The following SGCZ variants were observed in gnomAD, a reference collection of about 807,000 sequenced individuals.
SGCZ encodes the protein sarcoglycan zeta, also known as zeta-sarcoglycan.
SGCZ carries 40 observed loss-of-function variants against 41.3 expected under a neutral mutation model. The ratio of observed to expected loss-of-function variants is 0.97; its 90% CI spans 0.75 to 1.26. SGCZ has a LOEUF of 1.26. Among genes scored for constraint, SGCZ ranks in the 50% most tolerant of loss-of-function variants. The pLI, the probability that SGCZ is intolerant of heterozygous loss-of-function variation, is 0.00. For synonymous variants in SGCZ, 206 were observed against 137.5 expected, an observed-to-expected ratio of 1.50 and a Z score of -3.49; for missense variants, 552 against 369.8, an observed-to-expected ratio of 1.49 and a Z score of -4.04.
In SGCZ at chr8:14,493,359, C is replaced by CTTTTTTTTTTTTTTTTTTT. The variant is rs57898016; in HGVS notation, c.234+61354_234+61372dup. Among the ~76,000 whole-genome samples the CTTTTTTTTTTTTTTTTTTT allele has an allele frequency of 9.3e-4, 41 of 44,274 alleles. 3 individuals carry two copies. The highest frequency in any genetic ancestry group is 2.0e-3 in the African/African-American group (26 of 13,252). 29.0% of individuals were successfully genotyped at this position (44,274 alleles called of 152,430 possible). A position where few individuals can be genotyped will look rare whatever the true frequency, so the allele number is the denominator to read the frequency against. ...CATACTTTTCCCACTATCATCCTTTCTTTTTTTTTTTTTTTTTTTTTTTTT... is the reference window on the plus strand; with the variant it reads ...CATACTTTTCCCACTATCATCCTTTCTTTTTTTTTTTTTTTTTTTTTTTTTTTTTTTTTTTTTTTTTTTT... On this transcript the variant is annotated intron_variant, in intron 2 of 7. Transcript: ENST00000382080.
At chr8:14,859,719 A>G (rs530834718) in intron 1 of SGCZ, among the ~76,000 whole-genome samples, 1 of 152,296 alleles carries the variant, frequency 6.6e-6, no homozygotes, top group South Asian at 2.1e-4. Context: ...ATGTATTGCA[A>G]TGATTTTATA....
At chr8:14,756,935 T>C (rs1799690692) in intron 1 of SGCZ, among the ~76,000 whole-genome samples, 1 of 152,232 alleles carries the variant, frequency 6.6e-6, no homozygotes, top group Non-Finnish European at 1.5e-5. Flanking sequence ...TATAATCTTG[T>C]AAAAACGGCA....
intron 1 of SGCZ, among the ~76,000 whole-genome samples, chr8:14,806,403 C>A (rs1353101716): frequency 6.6e-6 from 1 of 150,728 alleles, no homozygotes; most frequent in Non-Finnish European, 1.5e-5. Context: ...GGGGATATCA[C>A]CACCGATCCC....
intron 2 of SGCZ, among the ~76,000 whole-genome samples, chr8:14,545,052 C>T (rs995652831): frequency 6.6e-6 from 1 of 152,086 alleles, no homozygotes; most frequent in Non-Finnish European, 1.5e-5. Flanking sequence ...TGTGATGTCA[C>T]CCCTAGCGGC....
At chr8:14,415,393 G>C (rs964065393) in intron 2 of SGCZ, among the ~76,000 whole-genome samples, 2 of 151,820 alleles carry the variant, frequency 1.3e-5, no homozygotes, top group South Asian at 2.1e-4. Flanking sequence ...AAATAAGCTT[G>C]AGCCAATGAG....
At chr8:14,461,600 A>T (rs565065030) in intron 2 of SGCZ, among the ~76,000 whole-genome samples, 2 of 152,108 alleles carry the variant, frequency 1.3e-5, no homozygotes, top group Non-Finnish European at 2.9e-5. Flanking sequence ...TTTCAGTACC[A>T]TATTTAAAGG....
At chr8:15,070,815 G>T (rs1805324539) in intron 1 of SGCZ, among the ~76,000 whole-genome samples, 1 of 152,144 alleles carries the variant, frequency 6.6e-6, no homozygotes, top group Non-Finnish European at 1.5e-5. Context: ...TGGTTTTAGA[G>T]AACAACTTAG....
chr8:15,074,302 T>C (rs1805455270), intron 1 of SGCZ, among the ~76,000 whole-genome samples: 1 of 152,190 alleles, frequency 6.6e-6, no homozygotes, highest in Admixed American at 6.5e-5. Flanking sequence ...AAAAGTCACC[T>C]TCCTCATCCC....
At chr8:14,983,489 C>A (rs956422503) in intron 1 of SGCZ, among the ~76,000 whole-genome samples, 19 of 152,002 alleles carry the variant, frequency 1.2e-4, no homozygotes, top group African/African-American at 4.6e-4. Context: ...GAGTGGTCCT[C>A]CCACCTCAGC....
chr8:14,801,938 G>A (rs1563279401), intron 1 of SGCZ, among the ~76,000 whole-genome samples: 2 of 152,322 alleles, frequency 1.3e-5, no homozygotes, highest in Admixed American at 6.5e-5. Context: ...CACATGGAAA[G>A]CAGTCCAAAT....
At chr8:14,095,888 G>A (rs1801829438) in intron 7 of SGCZ, among the ~76,000 whole-genome samples, 1 of 152,050 alleles carries the variant, frequency 6.6e-6, no homozygotes, top group African/African-American at 2.4e-5. Context: ...GTTGACTCAT[G>A]ATTTGACTCC....
At chr8:14,590,919 T>C (rs1805220415) in intron 1 of SGCZ, among the ~76,000 whole-genome samples, 1 of 150,008 alleles carries the variant, frequency 6.7e-6, no homozygotes. Flanking sequence ...ACACTATATA[T>C]GTCATATATG....
intron 1 of SGCZ, among the ~76,000 whole-genome samples, chr8:15,235,003 A>T (rs1482385091): frequency 6.6e-6 from 1 of 152,214 alleles, no homozygotes; most frequent in Non-Finnish European, 1.5e-5. Context: ...TTCTGTGTGG[A>T]TGTGTTTTAA....
At chr8:14,866,183 G>A (rs903137887) in intron 1 of SGCZ, among the ~76,000 whole-genome samples, 3 of 151,962 alleles carry the variant, frequency 2.0e-5, no homozygotes, top group African/African-American at 7.2e-5. Flanking sequence ...TAAAAGAAAG[G>A]ATCTATTTAT....
intron 4 of SGCZ, among the ~76,000 whole-genome samples, chr8:14,225,584 AAGAC>A (rs1164659451): frequency 2.0e-5 from 3 of 152,110 alleles, no homozygotes; most frequent in East Asian, 1.9e-4. Flanking sequence ...CTAGAAGAAA[AAGAC>A]AGAAAAAGTC....
At chr8:14,507,038 G>C (rs1191221506) in intron 2 of SGCZ, among the ~76,000 whole-genome samples, 1 of 151,462 alleles carries the variant, frequency 6.6e-6, no homozygotes, top group African/African-American at 2.4e-5. Context: ...TTCAATCTCT[G>C]TGATTGCCTG....
chr8:14,922,853 G>T (rs543192679), intron 1 of SGCZ, among the ~76,000 whole-genome samples: 5 of 152,144 alleles, frequency 3.3e-5, no homozygotes, highest in South Asian at 4.1e-4. Flanking sequence ...AAAAATCCTG[G>T]GAAATCAAGG....
In SGCZ at chr8:14,551,446, ATATATATAT is replaced by A. The variant is rs1440455642; in HGVS notation, c.234+3277_234+3285del. The stretch of plus-strand genomic sequence containing the variant: ...TCAAATTTTCCTCTTCAACTATTTC[ATATATATAT>A]TATATATATTATATATATTATATAT... On this transcript the variant is annotated intron_variant, in intron 2 of 7. Coordinates refer to ENST00000382080, the MANE Select transcript of SGCZ (RefSeq NM_139167.4). Among the ~76,000 whole-genome samples the A allele has an allele frequency of 6.0e-3, 143 of 23,866 alleles. 25 individuals are homozygous for A. The highest frequency in any genetic ancestry group is 0.015 in the Admixed American group (20 of 1,376). The allele number at this position is 23,866 out of a possible 152,430, so 15.7% of individuals were successfully genotyped here.
intron 1 of SGCZ, among the ~76,000 whole-genome samples, chr8:14,930,130 G>GAAATTTACAAGA (rs1430672418): frequency 6.6e-6 from 1 of 151,786 alleles, no homozygotes; most frequent in Non-Finnish European, 1.5e-5. Flanking sequence ...TAAGTTATTT[G>GAAATTTACAAGA]AAATTTACAA....
Sources: gnomAD v4.1 joint callset for allele counts (sites outside exome capture counted in the v4.1 genomes callset) on GRCh38, gnomAD v4.1.1 for gene constraint, MANE v1.5 for transcripts, NCBI Gene and HGNC (gene_info 2026-07-23, HGNC 2026-07-21) for gene names.